CXCL13: variants seen among roughly 807,000 people sequenced by gnomAD.
CXCL13 encodes C-X-C motif chemokine 13.
Under a neutral mutation model 12.2 loss-of-function variants are expected in CXCL13, and 7 were observed. The ratio of observed to expected loss-of-function variants is 0.57; its 90% confidence interval spans 0.33 to 1.07. The LOEUF is 1.07. CXCL13 is among the 50% of genes least tolerant of loss of function. The probability of loss-of-function intolerance (pLI) is 0.04; values close to 1 mark genes in which losing one functional copy is unlikely to be tolerated. For missense variants in CXCL13, 113 were observed against 127.4 expected (o/e 0.89, Z 0.55); for synonymous variants, 47 against 42.4 (o/e 1.11, Z -0.42).
In CXCL13 at chr4:77,538,311, G is replaced by GT. The variant is rs1016195298; in HGVS notation, c.-43+26532dup. 3.4e-3 allele frequency among the ~76,000 whole-genome samples: 514 copies of GT among 149,620 alleles called. 2 individuals are homozygous for GT. The highest frequency in any genetic ancestry group is 9.5e-3 in the African/African-American group (389 of 40,768). ...TGCTCAGTCTCATGAAAGAGTTGTGGTTTTTTTTTGTTTGTTTTGGTTTGG... is the reference window on the plus strand; with the variant it reads ...TGCTCAGTCTCATGAAAGAGTTGTGGTTTTTTTTTTGTTTGTTTTGGTTTGG... On this transcript the variant is annotated intron_variant, in intron 1 of 4. Transcript: ENST00000286758.
chr4:77,527,617 G>C (rs1367933741), intron 1 of CXCL13, among the ~76,000 whole-genome samples: 5 of 151,794 alleles, frequency 3.3e-5, no homozygotes, highest in Non-Finnish European at 7.4e-5. Flanking sequence ...GGGTGACAGA[G>C]TGAGACACAG....
At position 77,605,906 on chromosome 4, in the gene CXCL13, T is replaced by C; in HGVS notation, c.41T>C (p.Val14Ala). ...ACATCTCTGCTTCTCATGCTGCTGG[T>C]CAGCAGCCTCTCTCCAGTCCAAGGT... ...ISTSLLLMLL[V>A]SSLSPVQGVL... Residue 14 changes from valine (V) to alanine (A), a missense_variant, in exon 1 of 4, where the codon GTC (valine) becomes GCC (alanine). Physicochemically the swap from Val to Ala is moderately conservative, Grantham distance 64 (BLOSUM62 0). Coordinates refer to ENST00000682537, the MANE Select transcript of CXCL13 (RefSeq NM_001371558.1). 2 of 1,605,994 alleles carry C rather than the reference T, an allele frequency of 1.2e-6. No individual in the cohort carries two copies. The highest frequency in any genetic ancestry group is 1.7e-6 in the Non-Finnish European group (2 of 1,174,478).
chr4:77,597,728 A>C (rs1405339953), intron 1 of CXCL13, among the ~76,000 whole-genome samples: 1 of 152,178 alleles, frequency 6.6e-6, no homozygotes, highest in Non-Finnish European at 1.5e-5. Flanking sequence ...GGAAGTGCAC[A>C]AATGGCTCTT....
chr4:77,608,500 C>G (rs1175861758), intron 2 of CXCL13, among the ~76,000 whole-genome samples: 1 of 152,110 alleles, frequency 6.6e-6, no homozygotes, highest in East Asian at 1.9e-4. Flanking sequence ...ACATTTTCCC[C>G]GTTGCAAAGC....
intron 1 of CXCL13, among the ~76,000 whole-genome samples, chr4:77,544,570 T>A (rs1170418722): frequency 2.0e-5 from 3 of 152,230 alleles, no homozygotes; most frequent in Non-Finnish European, 4.4e-5. Context: ...GTTCATATTC[T>A]TTGCCCACTT....
intron 1 of CXCL13, among the ~76,000 whole-genome samples, chr4:77,559,551 A>G (rs1725749973): frequency 6.6e-6 from 1 of 152,086 alleles, no homozygotes; most frequent in African/African-American, 2.4e-5. Flanking sequence ...TCGCACAGCA[A>G]CCATCCACCT....
At chr4:77,531,340 G>T (rs1371761250) in intron 1 of CXCL13, among the ~76,000 whole-genome samples, 1 of 132,542 alleles carries the variant, frequency 7.5e-6, no homozygotes, top group Non-Finnish European at 1.5e-5. Flanking sequence ...TGTTCTCATT[G>T]TTCAATTCCT....
At chr4:77,534,434 C>G (rs1725009714) in intron 1 of CXCL13, among the ~76,000 whole-genome samples, 1 of 152,172 alleles carries the variant, frequency 6.6e-6, no homozygotes, top group Non-Finnish European at 1.5e-5. Context: ...TTGATATACT[C>G]AACAACCTGG....
chr4:77,571,825 G>C (rs1726089907), intron 1 of CXCL13, among the ~76,000 whole-genome samples: 1 of 151,670 alleles, frequency 6.6e-6, no homozygotes, highest in South Asian at 2.1e-4. Context: ...TTGGGTCCAC[G>C]CTGCTTTTAT....
chr4:77,513,006 C>A (rs992907778), intron 1 of CXCL13, among the ~76,000 whole-genome samples: 43 of 152,112 alleles, frequency 2.8e-4, no homozygotes, highest in African/African-American at 1.0e-3. Context: ...TTAATTCCCA[C>A]CTATGAGTGA....
intron 1 of CXCL13, among the ~76,000 whole-genome samples, chr4:77,543,670 G>A (rs968226297): frequency 6.6e-6 from 1 of 152,058 alleles, no homozygotes; most frequent in Non-Finnish European, 1.5e-5. Flanking sequence ...GATTTGAAAA[G>A]ATCATCTTGG....
At chr4:77,513,974 G>A (rs1724340777) in intron 1 of CXCL13, among the ~76,000 whole-genome samples, 1 of 151,888 alleles carries the variant, frequency 6.6e-6, no homozygotes, top group Non-Finnish European at 1.5e-5. Context: ...CCCCACAACA[G>A]TCCCCAGAGT....
chr4:77,518,915 T>G (rs1724500562), intron 1 of CXCL13, among the ~76,000 whole-genome samples: 1 of 152,144 alleles, frequency 6.6e-6, no homozygotes, highest in Non-Finnish European at 1.5e-5. Flanking sequence ...TTCCCCATCT[T>G]TGTGGTTTTA....
intron 1 of CXCL13, among the ~76,000 whole-genome samples, chr4:77,570,411 G>GA (rs921279794): frequency 6.6e-6 from 1 of 152,110 alleles, no homozygotes; most frequent in East Asian, 1.9e-4. Context: ...AAACTTACAA[G>GA]AAAAAAACCA....
upstream of CXCL13, among the ~76,000 whole-genome samples, chr4:77,603,658 G>A (rs899408604): frequency 6.6e-6 from 1 of 152,178 alleles, no homozygotes; most frequent in African/African-American, 2.4e-5. Context: ...TGGAGTGGAA[G>A]TTAGTAAGAT....
In CXCL13 at chr4:77,516,696, C is replaced by CT. The variant is rs561525713; in HGVS notation, c.-43+4916dup. On this transcript the variant is annotated intron_variant, in intron 1 of 4. Coordinates refer to the CXCL13 transcript ENST00000286758. Reference sequence around the variant, plus strand: ...TATTGTGTCTATTTGATTCTTCTCTCTTTTTTTTCTTTATTAGTCTAGCTA... The same window carrying CT: ...TATTGTGTCTATTTGATTCTTCTCTCTTTTTTTTTCTTTATTAGTCTAGCTA... Among the ~76,000 whole-genome samples the CT allele has an allele frequency of 4.4e-3, 666 of 151,348 alleles. 18 individuals carry two copies. The highest frequency in any genetic ancestry group is 0.027 in the East Asian group (138 of 5,158).
chr4:77,555,462 C>T (rs968954092), intron 1 of CXCL13, among the ~76,000 whole-genome samples: 1 of 151,804 alleles, frequency 6.6e-6, no homozygotes, highest in Non-Finnish European at 1.5e-5. Flanking sequence ...CCACTGGATG[C>T]CTATGTGAAA....
At chr4:77,551,107 C>T (rs1725505547) in intron 1 of CXCL13, among the ~76,000 whole-genome samples, 1 of 152,120 alleles carries the variant, frequency 6.6e-6, no homozygotes, top group South Asian at 2.1e-4. Flanking sequence ...TTAAGTGGGG[C>T]ATTTAGACCA....
chr4:77,512,797 A>G (rs1434164283), intron 1 of CXCL13, among the ~76,000 whole-genome samples: 2 of 152,138 alleles, frequency 1.3e-5, no homozygotes, highest in Non-Finnish European at 2.9e-5. Flanking sequence ...TTATTATTAT[A>G]CTTTAAGTTC....
Sources: allele counts gnomAD v4.1 joint callset (sites outside exome capture counted in the v4.1 genomes callset), GRCh38; gene constraint gnomAD v4.1.1; transcripts MANE v1.5; gene names NCBI Gene and HGNC (gene_info 2026-07-23, HGNC 2026-07-21).